Variants in DLGAP2 observed in about 807,000 individuals in gnomAD.
DLGAP2 encodes disks large-associated protein 2.
A neutral mutation model predicts 100.3 loss-of-function variants in DLGAP2; 26 were observed. The observed-to-expected ratio is 0.26, with a 90% CI of 0.19 to 0.36. The LOEUF (loss-of-function observed/expected upper bound fraction) is 0.36. Among genes scored for constraint, DLGAP2 ranks in the 10% least tolerant of loss-of-function variants. The pLI is 1.00. For synonymous variants in DLGAP2, 886 were observed against 630.1 expected (o/e 1.41, Z -6.08); for missense variants, 1,858 against 1,453.2 (o/e 1.28, Z -4.53).
intron 3 of DLGAP2, among the ~76,000 whole-genome samples, chr8:1,476,460 C>T (rs924181227): frequency 1.3e-5 from 2 of 152,148 alleles, no homozygotes; most frequent in African/African-American, 2.4e-5. Context: ...TTTTATAGTT[C>T]GGCTGAGCGC....
chr8:1,541,325 G>C (rs1367637854), intron 4 of DLGAP2, among the ~76,000 whole-genome samples: 2 of 152,152 alleles, frequency 1.3e-5, no homozygotes, highest in Non-Finnish European at 2.9e-5. Flanking sequence ...GCATGACTCA[G>C]ATTAAAATGG....
chr8:902,945 TG>T (rs1475155321), intron 1 of DLGAP2, among the ~76,000 whole-genome samples: 1 of 36,756 alleles, frequency 2.7e-5, no homozygotes, highest in East Asian at 9.6e-4. Flanking sequence ...GGCAGGTGGG[TG>T]GGGGCGGGGG....
At chr8:1,179,763 C>G (rs76803675) in intron 2 of DLGAP2, among the ~76,000 whole-genome samples, 5,804 of 152,108 alleles carry the variant, frequency 0.038, 409 homozygotes, top group African/African-American at 0.13. Flanking sequence ...AATGGGAGTA[C>G]AAAATTTTGA....
At chr8:1,302,652 A>G (rs370608043) in intron 3 of DLGAP2, 40 of 152,362 alleles carry the variant, frequency 2.6e-4, no homozygotes, top group African/African-American at 8.4e-4. Flanking sequence ...TGGACTCAGC[A>G]TTTTACGTGA....
chr8:1,531,630 G>A (rs1200824600), intron 4 of DLGAP2, among the ~76,000 whole-genome samples: 5 of 152,116 alleles, frequency 3.3e-5, no homozygotes, highest in African/African-American at 1.2e-4. Flanking sequence ...AGATATATTA[G>A]TGTTTAGGAT....
At chr8:1,075,232 C>T (rs552784671) in intron 2 of DLGAP2, among the ~76,000 whole-genome samples, 43 of 152,250 alleles carry the variant, frequency 2.8e-4, no homozygotes, top group Non-Finnish European at 4.6e-4. Context: ...ATGACCACTC[C>T]GGCTGCCTTT....
chr8:1,055,545 T>C (rs2129033852), intron 2 of DLGAP2, among the ~76,000 whole-genome samples: 1 of 152,362 alleles, frequency 6.6e-6, no homozygotes, highest in East Asian at 1.9e-4. Context: ...ATGTGGACTA[T>C]TTATTTAATG....
At chr8:1,259,309 C>G (rs1799296746) in intron 3 of DLGAP2, among the ~76,000 whole-genome samples, 1 of 152,164 alleles carries the variant, frequency 6.6e-6, no homozygotes, top group Admixed American at 6.5e-5. Flanking sequence ...CCTTTGCTGG[C>G]TGTGAGTGAT....
chr8:824,876 G>T (rs150534106), intron 1 of DLGAP2, among the ~76,000 whole-genome samples: 1 of 152,236 alleles, frequency 6.6e-6, no homozygotes, highest in East Asian at 1.9e-4. Context: ...GGAGCACCCC[G>T]CATTGTCCCC....
At chr8:1,512,400 C>T (rs751796757) in intron 4 of DLGAP2, among the ~76,000 whole-genome samples, 22 of 152,100 alleles carry the variant, frequency 1.4e-4, no homozygotes, top group Non-Finnish European at 2.6e-4. Flanking sequence ...TGGTGGAAAT[C>T]GTCGGCGGCA....
chr8:1,649,285 T>C (rs1250077679), intron 8 of DLGAP2, among the ~76,000 whole-genome samples: 1 of 35,312 alleles, frequency 2.8e-5, no homozygotes, highest in Non-Finnish European at 5.4e-5. Context: ...TCTTTTTGCT[T>C]CTTCAAAGCT....
intron 5 of DLGAP2, among the ~76,000 whole-genome samples, chr8:1,562,856 G>A (rs1190489098): frequency 6.5e-5 from 2 of 30,922 alleles, no homozygotes. Flanking sequence ...TTACTGGGGG[G>A]CTGTGTGGTG....
At chr8:1,123,858 C>G (rs1040585413) in intron 2 of DLGAP2, among the ~76,000 whole-genome samples, 1 of 152,008 alleles carries the variant, frequency 6.6e-6, no homozygotes, top group East Asian at 1.9e-4. Flanking sequence ...GTATTCTTTC[C>G]TGTTTGCCTA....
intron 1 of DLGAP2, among the ~76,000 whole-genome samples, chr8:892,652 G>T (rs890162862): frequency 1.3e-5 from 2 of 152,188 alleles, no homozygotes; most frequent in African/African-American, 4.8e-5. Flanking sequence ...TCCCTGGTCT[G>T]TTCCCTGTGC....
chr8:1,273,508 G>A (rs963732783), intron 3 of DLGAP2, among the ~76,000 whole-genome samples: 2 of 152,148 alleles, frequency 1.3e-5, no homozygotes, highest in African/African-American at 2.4e-5. Context: ...CTCGAGCTGC[G>A]GCAGTTCACG....
chr8:1,418,662 G>C (rs577279973), intron 3 of DLGAP2, among the ~76,000 whole-genome samples: 1 of 151,322 alleles, frequency 6.6e-6, no homozygotes, highest in South Asian at 2.1e-4. Flanking sequence ...TTTTTTCTTT[G>C]CTACACTCAC....
At chr8:1,223,901 G>C (rs59548518) in intron 2 of DLGAP2, among the ~76,000 whole-genome samples, 8,349 of 152,248 alleles carry the variant, frequency 0.055, 489 homozygotes, top group African/African-American at 0.14. Flanking sequence ...GTGTGAGATG[G>C]AGAAAAACAG....
At chr8:1,452,679 C>A (rs557625186) in intron 3 of DLGAP2, among the ~76,000 whole-genome samples, 2 of 152,326 alleles carry the variant, frequency 1.3e-5, no homozygotes, top group East Asian at 3.9e-4. Context: ...TCAGCAAAGG[C>A]TCTGTGCGGG....
chr8:974,934 A>T (rs942848634), intron 2 of DLGAP2, among the ~76,000 whole-genome samples: 1 of 152,212 alleles, frequency 6.6e-6, no homozygotes, highest in East Asian at 1.9e-4. Context: ...AGATATTGGT[A>T]TAGAAACTTA....
Sources: gnomAD v4.1 joint callset for allele counts (sites outside exome capture counted in the v4.1 genomes callset) on GRCh38, gnomAD v4.1.1 for gene constraint, MANE v1.5 for transcripts, NCBI Gene and HGNC (gene_info 2026-07-23, HGNC 2026-07-21) for gene names.